The following ARPP21 variants were observed in gnomAD, a reference collection of about 807,000 sequenced individuals.
ARPP21 encodes cAMP-regulated phosphoprotein 21.
ARPP21 carries 69 observed loss-of-function variants against 113.2 expected under a neutral mutation model. The observed-to-expected ratio is 0.61, with a 90% CI of 0.50 to 0.74. ARPP21 has a LOEUF of 0.74. Among genes scored for constraint, ARPP21 ranks in the 30% least tolerant of loss-of-function variants. The pLI is 0.00. For missense variants in ARPP21, 1,070 were observed against 1,037.4 expected (o/e 1.03, Z -0.43); for synonymous variants, 368 against 375.5 (o/e 0.98, Z 0.23).
intron 12 of ARPP21, among the ~76,000 whole-genome samples, chr3:35,716,691 T>C (rs2092450118): frequency 6.6e-6 from 1 of 152,040 alleles, no homozygotes; most frequent in African/African-American, 2.4e-5. Flanking sequence ...CAATTCAGAT[T>C]CATGGGAAAC....
chr3:35,685,707 A>T, intron 5 of ARPP21: 1 of 984,174 alleles, frequency 1.0e-6, no homozygotes, highest in Non-Finnish European at 1.2e-6. Context: ...CTTAAGTTAA[A>T]AGAATTTTGC....
At chr3:35,793,438 G>A (rs2096786609) in intron 20 of ARPP21, among the ~76,000 whole-genome samples, 1 of 152,164 alleles carries the variant, frequency 6.6e-6, no homozygotes, top group Non-Finnish European at 1.5e-5. Flanking sequence ...TGCATTCCAG[G>A]CAGTGTGCCA....
At position 35,779,212 on chromosome 3, in the gene ARPP21, A is replaced by G. The variant is rs528274278; in HGVS notation, c.2138-13170A>G. 1.3e-3 allele frequency among the ~76,000 whole-genome samples: 191 copies of G among 152,290 alleles called. 1 individual carries two copies. The highest frequency in any genetic ancestry group is 3.8e-3 in the African/African-American group (158 of 41,548). ...AGATGTATTCTCCGGGTTCCTAGTA[A>G]TGACACAATAGCAGCAGAAGTGGCA... On this transcript the variant is annotated intron_variant, in intron 19 of 20. Coordinates refer to ENST00000684406, the MANE Select transcript of ARPP21 (RefSeq NM_001385562.1).
At chr3:35,759,452 T>C (rs1335171538) in intron 19 of ARPP21, among the ~76,000 whole-genome samples, 1 of 152,100 alleles carries the variant, frequency 6.6e-6, no homozygotes, top group Non-Finnish European at 1.5e-5. Context: ...TATTGAAGAA[T>C]GTTTGGTGTG....
chr3:35,676,766 A>C (rs2077595004), intron 1 of ARPP21, among the ~76,000 whole-genome samples: 1 of 151,888 alleles, frequency 6.6e-6, no homozygotes, highest in African/African-American at 2.4e-5. Flanking sequence ...CTTATTTTTG[A>C]AATGATTACA....
intron 1 of ARPP21, among the ~76,000 whole-genome samples, chr3:35,676,210 C>T (rs2077442595): frequency 6.6e-6 from 1 of 151,926 alleles, no homozygotes; most frequent in African/African-American, 2.4e-5. Flanking sequence ...TGACAACAGA[C>T]TTTCCTTAGT....
At chr3:35,702,351 C>A (rs573100070) in intron 9 of ARPP21, among the ~76,000 whole-genome samples, 7 of 151,800 alleles carry the variant, frequency 4.6e-5, no homozygotes, top group African/African-American at 1.7e-4. Context: ...AATGATGGAA[C>A]TCTGCATTCA....
Position 35,793,713 on chromosome 3 carries a change from C to A in ARPP21, c.2299C>A (p.Gln767Lys), listed in dbSNP as rs1187315159. ...TGTCTTTTTACAGGTGCCAATGACCCAGGGTTCTCAAGGACTGCCCCAGCA... is the reference window on the plus strand; with the variant it reads ...TGTCTTTTTACAGGTGCCAATGACCAAGGGTTCTCAAGGACTGCCCCAGCA... ...TMSSYQVPMT[Q>K]GSQGLPQQSY... is the part of the protein sequence containing the mutation. Residue 767 changes from glutamine (Q) to lysine (K), a missense_variant, in exon 21 of 21, where the codon CAG becomes AAG. Gln to Lys is a moderately conservative substitution (Grantham distance 53). Coordinates refer to ENST00000684406, the MANE Select transcript of ARPP21 (RefSeq NM_001385562.1). 1 of 1,613,626 alleles carries A rather than the reference C, an allele frequency of 6.2e-7. No individual in the cohort carries two copies. Among genetic ancestry groups the A allele is most frequent in the South Asian group, 1.1e-5 (1 of 91,078 alleles).
chr3:35,673,350 C>T (rs1459729264), intron 1 of ARPP21, among the ~76,000 whole-genome samples: 3 of 151,912 alleles, frequency 2.0e-5, no homozygotes, highest in African/African-American at 7.2e-5. Flanking sequence ...AGGACTTGCC[C>T]CCTTTCATTC....
chr3:35,746,027 C>T (rs1479143549), intron 19 of ARPP21, among the ~76,000 whole-genome samples: 1 of 152,046 alleles, frequency 6.6e-6, no homozygotes, highest in Admixed American at 6.6e-5. Flanking sequence ...GTTAATGTGG[C>T]CTGTACAGGG....
chr3:35,762,783 T>C (rs2095830486), intron 19 of ARPP21, among the ~76,000 whole-genome samples: 1 of 152,126 alleles, frequency 6.6e-6, no homozygotes, highest in African/African-American at 2.4e-5. Context: ...ATTGAGGTTT[T>C]ATAAAACCCT....
At chr3:35,689,527 T>G in intron 7 of ARPP21, 142 bp downstream of exon 7, 1 of 581,072 alleles carries the variant, frequency 1.7e-6, no homozygotes, top group East Asian at 3.0e-5. Context: ...CTGTATTTTT[T>G]TTCTACTAAT....
chr3:35,719,359 C>A (rs2092817025), intron 13 of ARPP21, among the ~76,000 whole-genome samples: 1 of 152,088 alleles, frequency 6.6e-6, no homozygotes, highest in Non-Finnish European at 1.5e-5. Flanking sequence ...CTTAAATTTT[C>A]TTTTTTAAAT....
chr3:35,723,409 T>G (rs1247576848), intron 14 of ARPP21, among the ~76,000 whole-genome samples: 1 of 152,210 alleles, frequency 6.6e-6, no homozygotes, highest in Non-Finnish European at 1.5e-5. Flanking sequence ...CTTGGAAAGA[T>G]TCAGATGGGT....
At chr3:35,675,201 C>CTTTTTTTTTTTTTTTTTTTTTTTTTT (rs1559570072) in intron 1 of ARPP21, among the ~76,000 whole-genome samples, 3 of 151,414 alleles carry the variant, frequency 2.0e-5, no homozygotes, top group African/African-American at 7.3e-5. Flanking sequence ...CACCACCTTT[C>CTTTTTTTTTTTTTTTTTTTTTTTTTT]ATGTGGGTAA....
Position 35,690,990 on chromosome 3 carries a change from C to A in ARPP21, c.671C>A (p.Thr224Asn). 6.2e-7 allele frequency: 1 copy of A among 1,609,894 alleles called. No homozygotes were observed. ...GGAAAATCTGTTATCATCAACAAGA[C>A]CAGCAGCACCAGAATGTAAGCCCCA... ...QTGKSVIINK[T>N]SSTRIPEQRF... is the part of the protein sequence containing the mutation. The change falls in exon 9 of 21, where the codon ACC becomes AAC. Residue 224 changes from threonine (T) to asparagine (N), a missense_variant. Coordinates refer to ENST00000684406, the MANE Select transcript of ARPP21 (RefSeq NM_001385562.1).
intron 19 of ARPP21, among the ~76,000 whole-genome samples, chr3:35,755,969 C>G (rs773629532): frequency 6.6e-6 from 1 of 152,038 alleles, no homozygotes; most frequent in Admixed American, 6.6e-5. Flanking sequence ...CCCTGAAAGA[C>G]GCTGCTTTTT....
intron 19 of ARPP21, among the ~76,000 whole-genome samples, chr3:35,778,635 T>C (rs1052199959): frequency 2.0e-5 from 3 of 152,132 alleles, no homozygotes; most frequent in Admixed American, 6.5e-5. Flanking sequence ...ACCTCTTCAA[T>C]TGAATCATTT....
At chr3:35,785,402 T>C (rs760566295) in intron 19 of ARPP21, among the ~76,000 whole-genome samples, 4 of 152,182 alleles carry the variant, frequency 2.6e-5, no homozygotes, top group Non-Finnish European at 5.9e-5. Flanking sequence ...GCCTCTTCCA[T>C]TTAAAATGGA....
Sources: allele counts gnomAD v4.1 joint callset (sites outside exome capture counted in the v4.1 genomes callset), GRCh38; gene constraint gnomAD v4.1.1; transcripts MANE v1.5; gene names NCBI Gene and HGNC (gene_info 2026-07-23, HGNC 2026-07-21).